Variants in NCOR2 observed in about 807,000 individuals in gnomAD.
NCOR2 encodes nuclear receptor corepressor 2.
Under a neutral mutation model 262.9 loss-of-function variants are expected in NCOR2, and 81 were observed. That is an observed-to-expected ratio of 0.31 (90% confidence interval 0.26 to 0.37). NCOR2 has a LOEUF of 0.37. Among genes scored for constraint, NCOR2 ranks in the 10% least tolerant of loss-of-function variants. NCOR2 has a pLI of 1.00. For missense variants in NCOR2, 3,385 were observed against 3,621.4 expected (o/e 0.93, Z 1.68); for synonymous variants, 1,659 against 1,559.3 (o/e 1.06, Z -1.51).
chr12:124,390,481 C>CCCA (rs1326470744), intron 16 of NCOR2, among the ~76,000 whole-genome samples: 2 of 151,662 alleles, frequency 1.3e-5, no homozygotes, highest in African/African-American at 4.9e-5. Context: ...CAAAGTGACC[C>CCCA]CCCCCCGTCG....
intron 11 of NCOR2, among the ~76,000 whole-genome samples, chr12:124,425,164 G>A (rs1329788518): frequency 6.6e-6 from 1 of 152,200 alleles, no homozygotes; most frequent in Non-Finnish European, 1.5e-5. Flanking sequence ...CACGAGGTCA[G>A]GAGATCGAGA....
At chr12:124,352,449 T>C (rs903549840) in intron 27 of NCOR2, among the ~76,000 whole-genome samples, 5 of 152,012 alleles carry the variant, frequency 3.3e-5, no homozygotes, top group Admixed American at 3.3e-4. Flanking sequence ...CATAGTTCAC[T>C]GCAGCCTCAA....
At chr12:124,461,090 G>A (rs893206912) in intron 5 of NCOR2, among the ~76,000 whole-genome samples, 2 of 152,240 alleles carry the variant, frequency 1.3e-5, no homozygotes, top group Non-Finnish European at 2.9e-5. Flanking sequence ...CCTTCCGGCT[G>A]GGAGGCTGGA....
In NCOR2 at chr12:124,517,886, C is replaced by T. The variant is rs959898736; in HGVS notation, c.-118+17679G>A. On this transcript the variant is annotated intron_variant, in intron 1 of 46. Transcript: ENST00000404621. The surrounding 1 kb of genome is among the most constrained non-coding windows in gnomAD (Gnocchi z 7.6). ...GCTGAGCTCAGGGCCGACAACACTG[C>T]GCTGCCAGGGGAGGGTCCAGCTGCC... Among the ~76,000 whole-genome samples the T allele has an allele frequency of 2.0e-5, 3 of 152,222 alleles. No homozygotes were observed. The highest frequency in any genetic ancestry group is 4.4e-5 in the Non-Finnish European group (3 of 68,044).
rs1266652734 is a variant in NCOR2 at position 124,517,755 on chromosome 12, G to C, written c.-118+17810C>G. On this transcript the variant is annotated intron_variant, in intron 1 of 46. Coordinates refer to the NCOR2 transcript ENST00000404621. The surrounding 1 kb of genome is among the most constrained non-coding windows in gnomAD (Gnocchi z 7.6). ...GCCCACCCGGGTCCCCTCCCACGCG[G>C]GCCGGCCAAGAAGCCTCACCCCGGC... 6.6e-6 allele frequency among the ~76,000 whole-genome samples: 1 copy of C among 152,192 alleles called. No individual in the cohort carries two copies. The highest frequency in any genetic ancestry group is 2.4e-5 in the African/African-American group (1 of 41,442).
chr12:124,506,042 C>T (rs2049019479), intron 1 of NCOR2, among the ~76,000 whole-genome samples: 1 of 152,070 alleles, frequency 6.6e-6, no homozygotes, highest in African/African-American at 2.4e-5. Flanking sequence ...TCTATCATTC[C>T]CCACATTCTG....
intron 16 of NCOR2, among the ~76,000 whole-genome samples, chr12:124,391,449 C>A (rs1051617605): frequency 6.6e-6 from 1 of 152,124 alleles, no homozygotes; most frequent in Non-Finnish European, 1.5e-5. Flanking sequence ...AGAACCCAGC[C>A]GTCTTGGGCC....
At chr12:124,416,519 C>T (rs547400892) in intron 13 of NCOR2, among the ~76,000 whole-genome samples, 34 of 152,102 alleles carry the variant, frequency 2.2e-4, no homozygotes, top group Non-Finnish European at 4.3e-4. Flanking sequence ...CCAGGGAGAC[C>T]GGCGGCACAG....
chr12:124,399,353 T>G (rs1419085323), intron 15 of NCOR2, among the ~76,000 whole-genome samples: 1 of 152,238 alleles, frequency 6.6e-6, no homozygotes, highest in African/African-American at 2.4e-5. Context: ...GAGTGTGTTT[T>G]CCACCCTGCG....
At chr12:124,536,539 A>G (rs2051119258), upstream of NCOR2, among the ~76,000 whole-genome samples, 1 of 152,166 alleles carries the variant, frequency 6.6e-6, no homozygotes, top group Non-Finnish European at 1.5e-5. Context: ...GTACATACAC[A>G]TGGCCAATAA....
intron 4 of NCOR2, among the ~76,000 whole-genome samples, chr12:124,468,883 CCCCCATCAT>C (rs1174174164): frequency 2.4e-5 from 1 of 41,568 alleles, no homozygotes; most frequent in African/African-American, 1.1e-4. Flanking sequence ...ATACTCATCA[CCCCCATCAT>C]CCTCATCCTC....
At chr12:124,362,874 C>T (rs2038719603) in intron 21 of NCOR2, among the ~76,000 whole-genome samples, 1 of 151,580 alleles carries the variant, frequency 6.6e-6, no homozygotes, top group Non-Finnish European at 1.5e-5. Context: ...GAGTTCACCT[C>T]CTAAAAAGCC....
upstream of NCOR2, among the ~76,000 whole-genome samples, chr12:124,536,555 G>A (rs2051119857): frequency 6.6e-6 from 1 of 152,124 alleles, no homozygotes; most frequent in African/African-American, 2.4e-5. Flanking sequence ...AATAAGACAC[G>A]AAAAGATGCC....
intron 28 of NCOR2, chr12:124,348,576 TC>T: frequency 2.0e-6 from 1 of 504,160 alleles, no homozygotes; most frequent in South Asian, 3.2e-5. Context: ...ACCCTAGCCC[TC>T]CAGGGTGCTC....
chr12:124,416,413 C>G (rs964606841), intron 13 of NCOR2, among the ~76,000 whole-genome samples: 4 of 152,178 alleles, frequency 2.6e-5, no homozygotes, highest in African/African-American at 9.7e-5. Flanking sequence ...CACTTGAGGG[C>G]CCCATCCCTG....
chr12:124,508,712 A>G (rs2049195754), intron 1 of NCOR2, among the ~76,000 whole-genome samples: 1 of 152,196 alleles, frequency 6.6e-6, no homozygotes, highest in South Asian at 2.1e-4. Flanking sequence ...AAGAAGCCCA[A>G]TTTTGAGACA....
chr12:124,437,104 A>T (rs1434557837), intron 8 of NCOR2, among the ~76,000 whole-genome samples: 1 of 151,970 alleles, frequency 6.6e-6, no homozygotes, highest in Non-Finnish European at 1.5e-5. Flanking sequence ...ATAATAAATA[A>T]ATAAACAAAT....
chr12:124,388,697 G>A (rs568738003), intron 16 of NCOR2: 1 of 1,304,426 alleles, frequency 7.7e-7, no homozygotes. Flanking sequence ...CCTCTCATTC[G>A]CGTCTCCCCC....
chr12:124,529,835 G>C (rs1464163428), intron 1 of NCOR2: 2 of 152,268 alleles, frequency 1.3e-5, no homozygotes, highest in African/African-American at 4.8e-5. Context: ...CAAGGATGGG[G>C]AGCAACTGGA....
Sources: gnomAD v4.1 joint callset for allele counts (sites outside exome capture counted in the v4.1 genomes callset) on GRCh38, gnomAD v4.1.1 for gene constraint, Gnocchi (gnomAD v3.1) non-coding constraint, MANE v1.5 for transcripts, NCBI Gene and HGNC (gene_info 2026-07-23, HGNC 2026-07-21) for gene names.